Variants in WHRN observed in about 807,000 individuals in gnomAD.
The protein encoded by WHRN is whirlin.
In WHRN, 41 loss-of-function variants were observed where a neutral mutation model predicts 68.3. That is an observed-to-expected ratio of 0.60 (90% CI 0.47 to 0.78). The LOEUF (loss-of-function observed/expected upper bound fraction) is 0.78, where lower values mean the gene tolerates loss of function less well. Among genes scored for constraint, WHRN ranks in the 30% least tolerant of loss-of-function variants. The pLI is 0.00. For missense variants in WHRN, 1,243 were observed against 1,244.7 expected, an observed-to-expected ratio of 1.00 and a Z score of 0.02; for synonymous variants, 560 against 561.3, an observed-to-expected ratio of 1.00 and a Z score of 0.03.
chr9:114,499,772 C>T (rs1843766660), intron 1 of WHRN, among the ~76,000 whole-genome samples: 1 of 152,220 alleles, frequency 6.6e-6, no homozygotes, highest in Non-Finnish European at 1.5e-5. Flanking sequence ...AACACACGGA[C>T]AATCCAATTG....
At chr9:114,433,879 A>C (rs1374247470) in intron 3 of WHRN, among the ~76,000 whole-genome samples, 1 of 152,126 alleles carries the variant, frequency 6.6e-6, no homozygotes, top group Admixed American at 6.5e-5. Context: ...AATATGGTCT[A>C]TGCTTCCTTC....
intron 7 of WHRN, among the ~76,000 whole-genome samples, chr9:114,410,415 CT>C (rs1564120391): frequency 6.6e-6 from 1 of 152,238 alleles, no homozygotes; most frequent in Non-Finnish European, 1.5e-5. Context: ...GAATCAATCA[CT>C]CTAGCCATCA....
chr9:114,487,976 T>C (rs1842680683), intron 1 of WHRN, among the ~76,000 whole-genome samples: 1 of 152,184 alleles, frequency 6.6e-6, no homozygotes, highest in African/African-American at 2.4e-5. Flanking sequence ...TCCAATCATC[T>C]GGGGGCTAAA....
Position 114,421,653 on chromosome 9 carries a change from G to A in WHRN, c.1626+1661C>T, listed in dbSNP as rs111502174. On this transcript the variant is annotated intron_variant, in intron 7 of 11. Coordinates refer to ENST00000362057, the MANE Select transcript of WHRN (RefSeq NM_015404.4). ...GCTGCTGAGGCCTGAACATTATCAA[G>A]GCCAATCTCAGTGGAGCCTATCTTA... 3.8e-3 allele frequency among the ~76,000 whole-genome samples: 583 copies of A among 152,356 alleles called. 9 individuals carry two copies. Among genetic ancestry groups the A allele is most frequent in the East Asian group, 0.036 (188 of 5,188 alleles).
intron 3 of WHRN, among the ~76,000 whole-genome samples, chr9:114,440,195 G>A (rs1838248050): frequency 6.6e-6 from 1 of 151,986 alleles, no homozygotes; most frequent in Non-Finnish European, 1.5e-5. Context: ...TTACAGCCGT[G>A]AGCCACTGCA....
intron 4 of WHRN, 30 bp from the exon 5 acceptor site, chr9:114,425,054 T>C (rs1315382783): frequency 6.2e-7 from 1 of 1,613,570 alleles, no homozygotes; most frequent in Admixed American, 1.7e-5. Context: ...TCTCCAGTTG[T>C]GCATTTGAGC....
Position 114,403,973 on chromosome 9 carries a change from G to T in WHRN, c.2341C>A (p.Gln781Lys). 1 of 1,608,394 alleles carries T rather than the reference G, an allele frequency of 6.2e-7. No individual in the cohort carries two copies. ...AEASAPGRGR[Q>K]SVSTKSRSSK... is the part of the protein sequence containing the mutation. ...CTCCTGCTCTTGGTGGACACCGACT[G>T]CCTTCCTCGGCCTGGGGCGCTGGCC... Residue 781 changes from glutamine (Q) to lysine (K), a missense_variant, in exon 10 of 12, where the codon CAG (glutamine) becomes AAG (lysine). By Grantham distance (53) the Gln-to-Lys change is moderately conservative (BLOSUM62 1). Transcript: ENST00000362057.
At chr9:114,464,766 A>G (rs1364428166) in intron 3 of WHRN, among the ~76,000 whole-genome samples, 6 of 152,164 alleles carry the variant, frequency 3.9e-5, no homozygotes, top group Admixed American at 3.9e-4. Context: ...AACACTTGGA[A>G]GAGTAACTGG....
chr9:114,449,694 T>C (rs1410372182), intron 3 of WHRN, among the ~76,000 whole-genome samples: 1 of 152,036 alleles, frequency 6.6e-6, no homozygotes, highest in Admixed American at 6.5e-5. Context: ...TGTGGCAGGT[T>C]CTTGGGAAAT....
intron 10 of WHRN, 52 bp from the exon 11 acceptor site, chr9:114,403,391 G>C: frequency 6.2e-7 from 1 of 1,612,860 alleles, no homozygotes; most frequent in Non-Finnish European, 8.5e-7. Flanking sequence ...GGCAGGCCTG[G>C]CCAGGGGGCT....
rs1034021805 is a variant in WHRN at position 114,495,948 on chromosome 9, T to A, written c.618+8236A>T. On this transcript the variant is annotated intron_variant, in intron 1 of 11. Transcript: ENST00000362057. Reference sequence around the variant, plus strand: ...AAGTTTTCCTATCCACATGGGAGGTTAATTTCTGAAAGCTGGACCACGTTT... The same window carrying A: ...AAGTTTTCCTATCCACATGGGAGGTAAATTTCTGAAAGCTGGACCACGTTT... 3.9e-5 allele frequency among the ~76,000 whole-genome samples: 6 copies of A among 152,228 alleles called. No individual in the cohort carries two copies. In the East Asian group the frequency reaches 1.2e-3, roughly 29 times the overall value.
intron 2 of WHRN, among the ~76,000 whole-genome samples, chr9:114,468,945 T>C (rs987106652): frequency 2.6e-5 from 4 of 152,228 alleles, no homozygotes; most frequent in Non-Finnish European, 4.4e-5. Flanking sequence ...TGGTGGTTAA[T>C]GCATGTTCAG....
intron 7 of WHRN, among the ~76,000 whole-genome samples, chr9:114,415,137 A>G (rs1835721166): frequency 1.3e-5 from 2 of 152,086 alleles, no homozygotes; most frequent in African/African-American, 4.8e-5. Context: ...ATCACTACAA[A>G]AAAATGTAAA....
chr9:114,448,288 A>G (rs1397212693), intron 3 of WHRN, among the ~76,000 whole-genome samples: 1 of 152,194 alleles, frequency 6.6e-6, no homozygotes, highest in African/African-American at 2.4e-5. Context: ...GGCAGAGACT[A>G]GAGTGACACT....
At chr9:114,472,677 T>C (rs563740588) in intron 2 of WHRN, among the ~76,000 whole-genome samples, 9 of 152,332 alleles carry the variant, frequency 5.9e-5, no homozygotes, top group Non-Finnish European at 1.2e-4. Flanking sequence ...CTGTTCTTTG[T>C]CTGTTCACTG....
intron 3 of WHRN, among the ~76,000 whole-genome samples, chr9:114,444,562 C>G (rs1838656132): frequency 6.6e-6 from 1 of 152,056 alleles, no homozygotes; most frequent in Non-Finnish European, 1.5e-5. Context: ...CCCTCCGAAA[C>G]CCCCTTCTCT....
At chr9:114,403,798 G>T in intron 10 of WHRN, 98 bp downstream of exon 10, 1 of 1,466,046 alleles carries the variant, frequency 6.8e-7, no homozygotes, top group Non-Finnish European at 9.4e-7. Context: ...TCCCTTTGTG[G>T]TCACTTGCCA....
Position 114,466,293 on chromosome 9 carries a change from A to G in WHRN, c.937T>C (p.Ser313Pro). 1 of 1,614,054 alleles carries G rather than the reference A, an allele frequency of 6.2e-7. No homozygotes were observed. The highest frequency in any genetic ancestry group is 8.5e-7 in the Non-Finnish European group (1 of 1,180,022). Reference sequence around the variant, plus strand: ...TTGAGCCCGCTGCCTTCTGCTTCAGAGCCTGGGTCCACGCCAGTGATGTAA... The same window carrying G: ...TTGAGCCCGCTGCCTTCTGCTTCAGGGCCTGGGTCCACGCCAGTGATGTAA... ...GIYITGVDPG[S>P]EAEGSGLKVG... The change falls in exon 3 of 12, where the codon TCT becomes CCT. Residue 313 changes from serine (S) to proline (P), a missense_variant. By Grantham distance (74) the Ser-to-Pro change is moderately conservative (BLOSUM62 -1). Transcript: ENST00000362057.
chr9:114,471,223 C>T (rs1841193842), intron 2 of WHRN, among the ~76,000 whole-genome samples: 2 of 152,018 alleles, frequency 1.3e-5, no homozygotes, highest in South Asian at 2.1e-4. Context: ...AGAATAATAA[C>T]TCAGGCAATT....
Sources: gnomAD v4.1 joint callset for allele counts (sites outside exome capture counted in the v4.1 genomes callset) on GRCh38, gnomAD v4.1.1 for gene constraint, MANE v1.5 for transcripts, NCBI Gene and HGNC (gene_info 2026-07-23, HGNC 2026-07-21) for gene names.